The following RAB3GAP1 variants were observed in gnomAD, a reference collection of about 807,000 sequenced individuals.
RAB3GAP1 encodes the protein RAB3 GTPase activating protein catalytic subunit 1.
RAB3GAP1 carries 86 observed loss-of-function variants against 130.7 expected under a neutral mutation model. The observed-to-expected ratio is 0.66, with a 90% confidence interval of 0.55 to 0.79. The LOEUF (loss-of-function observed/expected upper bound fraction) is 0.79. RAB3GAP1 is among the 30% of genes least tolerant of loss of function. The pLI is 0.00. For synonymous variants in RAB3GAP1, 367 were observed against 401.7 expected, an observed-to-expected ratio of 0.91 and a Z score of 1.03; for missense variants, 1,029 against 1,169.4, an observed-to-expected ratio of 0.88 and a Z score of 1.75.
At chr2:135,109,726 C>T (rs531459713) in intron 5 of RAB3GAP1, among the ~76,000 whole-genome samples, 253 of 152,118 alleles carry the variant, frequency 1.7e-3, no homozygotes, top group African/African-American at 5.8e-3. Flanking sequence ...GGACTACAGG[C>T]GCCCACCACC....
intron 3 of RAB3GAP1, among the ~76,000 whole-genome samples, chr2:135,069,319 G>A (rs1689405531): frequency 6.6e-6 from 1 of 152,182 alleles, no homozygotes; most frequent in Non-Finnish European, 1.5e-5. Context: ...TTATACAGAA[G>A]ATGGAAAGTC....
intron 3 of RAB3GAP1, among the ~76,000 whole-genome samples, chr2:135,088,902 T>C (rs1013395767): frequency 6.6e-6 from 1 of 152,094 alleles, no homozygotes; most frequent in African/African-American, 2.4e-5. Flanking sequence ...GTGCAGAAGC[T>C]CTTTAGTTTA....
chr2:135,075,732 C>A (rs1284999523), intron 3 of RAB3GAP1, among the ~76,000 whole-genome samples: 1 of 150,724 alleles, frequency 6.6e-6, no homozygotes, highest in Non-Finnish European at 1.5e-5. Context: ...ATCTGACGAT[C>A]TCTATCTACT....
intron 17 of RAB3GAP1, among the ~76,000 whole-genome samples, chr2:135,141,224 ACTT>A (rs202046357): frequency 1.5e-5 from 2 of 129,640 alleles, no homozygotes; most frequent in Admixed American, 7.6e-5. Context: ...CTATTCACTT[ACTT>A]CTTTTTTTTT....
chr2:135,140,550 G>A (rs1691808718), intron 17 of RAB3GAP1, among the ~76,000 whole-genome samples: 1 of 152,184 alleles, frequency 6.6e-6, no homozygotes, highest in Admixed American at 6.5e-5. Context: ...AAAGAGATGA[G>A]GTTTAAGCTT....
At chr2:135,090,976 G>T in intron 3 of RAB3GAP1, 22 bp from the exon 4 acceptor site, 1 of 1,595,108 alleles carries the variant, frequency 6.3e-7, no homozygotes, top group South Asian at 1.1e-5. Context: ...TAAATATTTT[G>T]CCATTTTATT....
intron 3 of RAB3GAP1, among the ~76,000 whole-genome samples, chr2:135,071,267 C>T (rs925482256): frequency 1.3e-5 from 2 of 152,160 alleles, no homozygotes; most frequent in Admixed American, 1.3e-4. Flanking sequence ...CCTTTGTTTC[C>T]AGTCTCTACC....
intron 17 of RAB3GAP1, among the ~76,000 whole-genome samples, chr2:135,137,614 G>A (rs1691710101): frequency 6.6e-6 from 1 of 151,668 alleles, no homozygotes; most frequent in South Asian, 2.1e-4. Flanking sequence ...TCACAACATG[G>A]AATTACTTGA....
chr2:135,133,814 A>G (rs1456267446), intron 14 of RAB3GAP1, 47 bp from the exon 15 acceptor site: 3 of 1,553,382 alleles, frequency 1.9e-6, no homozygotes, highest in Admixed American at 3.3e-5. Context: ...ATATGTGTAA[A>G]ATATTTTGGT....
At chr2:135,089,924 T>G in intron 3 of RAB3GAP1, 1 of 265,426 alleles carries the variant, frequency 3.8e-6, no homozygotes, top group Non-Finnish European at 7.9e-6. Flanking sequence ...CATCACACAC[T>G]GGGACCTGTT....
At chr2:135,059,905 T>G (rs916459938) in intron 3 of RAB3GAP1, among the ~76,000 whole-genome samples, 1 of 152,088 alleles carries the variant, frequency 6.6e-6, no homozygotes. Context: ...ATGAAGAAAG[T>G]GTAGAGGACA....
intron 3 of RAB3GAP1, among the ~76,000 whole-genome samples, chr2:135,078,107 T>C (rs1689682459): frequency 1.3e-5 from 2 of 152,210 alleles, no homozygotes; most frequent in South Asian, 4.1e-4. Context: ...GTCCAAGAAA[T>C]AATTGCAAAT....
At chr2:135,105,991 C>T (rs558803859) in intron 5 of RAB3GAP1, among the ~76,000 whole-genome samples, 14 of 152,026 alleles carry the variant, frequency 9.2e-5, no homozygotes, top group African/African-American at 3.4e-4. Context: ...AGCCCCTCCG[C>T]CCGGCAGCTG....
chr2:135,126,881 TTTTA>T (rs779018434), intron 11 of RAB3GAP1, among the ~76,000 whole-genome samples: 16 of 152,170 alleles, frequency 1.1e-4, no homozygotes, highest in Non-Finnish European at 8.8e-5. Flanking sequence ...ATTTACTTTT[TTTTA>T]TTTATTTTTT....
chr2:135,107,383 CATATGTA>C (rs1252167602), intron 5 of RAB3GAP1, among the ~76,000 whole-genome samples: 7 of 151,694 alleles, frequency 4.6e-5, no homozygotes, highest in Admixed American at 1.3e-4. Flanking sequence ...GGGTTTATAA[CATATGTA>C]ATATGTAATA....
intron 11 of RAB3GAP1, among the ~76,000 whole-genome samples, chr2:135,129,143 C>A (rs1421615996): frequency 6.6e-6 from 1 of 151,846 alleles, no homozygotes; most frequent in Non-Finnish European, 1.5e-5. Flanking sequence ...CAGAGTAAGA[C>A]CCTGTCTCAA....
At chr2:135,146,710 C>T (rs182817568) in intron 17 of RAB3GAP1, among the ~76,000 whole-genome samples, 1 of 152,090 alleles carries the variant, frequency 6.6e-6, no homozygotes, top group East Asian at 1.9e-4. Context: ...GATTAATTTG[C>T]GCATTCTAGA....
At chr2:135,074,402 C>T (rs1210840702) in intron 3 of RAB3GAP1, among the ~76,000 whole-genome samples, 3 of 152,194 alleles carry the variant, frequency 2.0e-5, no homozygotes, top group African/African-American at 7.2e-5. Flanking sequence ...CAGGCTATAC[C>T]AGGGAGTGGC....
At chr2:135,126,446 C>G in intron 10 of RAB3GAP1, 137 bp from the exon 11 acceptor site, 1 of 946,626 alleles carries the variant, frequency 1.1e-6, no homozygotes, top group Non-Finnish European at 1.7e-6. Context: ...CTCCATGTAT[C>G]TGGATAAGAG....
Sources: gnomAD v4.1 joint callset for allele counts (sites outside exome capture counted in the v4.1 genomes callset) on GRCh38, gnomAD v4.1.1 for gene constraint, MANE v1.5 for transcripts, NCBI Gene and HGNC (gene_info 2026-07-23, HGNC 2026-07-21) for gene names.